STX8: variants seen among roughly 807,000 people sequenced by gnomAD.
STX8 encodes syntaxin-8.
Under a neutral mutation model 37.5 loss-of-function variants are expected in STX8, and 23 were observed. The observed-to-expected ratio is 0.61, with a 90% confidence interval of 0.44 to 0.87. The LOEUF (loss-of-function observed/expected upper bound fraction) is 0.87, where lower values mean the gene tolerates loss of function less well. Among genes scored for constraint, STX8 ranks in the 40% least tolerant of loss-of-function variants. The probability of loss-of-function intolerance (pLI) is 0.00; values close to 1 mark genes in which losing one functional copy is unlikely to be tolerated. For missense variants in STX8, 313 were observed against 284.7 expected (o/e 1.10, Z -0.71); for synonymous variants, 115 against 99.1 (o/e 1.16, Z -0.95).
chr17:9,559,063 C>G (rs2151915889), intron 2 of STX8, among the ~76,000 whole-genome samples: 1 of 152,100 alleles, frequency 6.6e-6, no homozygotes, highest in African/African-American at 2.4e-5. Flanking sequence ...AGAGAAAAAA[C>G]AACCCAGGAA....
chr17:9,358,095 C>T (rs1206717655), intron 7 of STX8, among the ~76,000 whole-genome samples: 1 of 152,122 alleles, frequency 6.6e-6, no homozygotes. Flanking sequence ...GTGGCTCACA[C>T]CTGTAAATCC....
At chr17:9,380,371 AC>A (rs1911754440) in intron 6 of STX8, among the ~76,000 whole-genome samples, 1 of 146,906 alleles carries the variant, frequency 6.8e-6, no homozygotes, top group South Asian at 2.2e-4. Flanking sequence ...TCCCATCTCA[AC>A]CTCCTGAGTA....
At chr17:9,539,858 AAGAT>A (rs1265571354) in intron 4 of STX8, among the ~76,000 whole-genome samples, 3 of 152,136 alleles carry the variant, frequency 2.0e-5, no homozygotes, top group East Asian at 1.9e-4. Context: ...AGTTTCTCCA[AAGAT>A]AGATAGAGCT....
At chr17:9,496,265 G>A (rs551999428) in intron 5 of STX8, among the ~76,000 whole-genome samples, 6 of 152,144 alleles carry the variant, frequency 3.9e-5, no homozygotes, top group Admixed American at 3.3e-4. Context: ...TAGTAGAGAC[G>A]AGGTTTTGCC....
At chr17:9,390,987 A>C (rs1032520403) in intron 6 of STX8, among the ~76,000 whole-genome samples, 33 of 152,236 alleles carry the variant, frequency 2.2e-4, no homozygotes, top group African/African-American at 7.0e-4. Context: ...CAGCAATTTA[A>C]ATAGAAACTC....
intron 7 of STX8, among the ~76,000 whole-genome samples, chr17:9,325,975 T>C (rs538765948): frequency 6.6e-6 from 1 of 152,310 alleles, no homozygotes; most frequent in South Asian, 2.1e-4. Context: ...CCCCCAGCTA[T>C]GGTCTCTGGT....
chr17:9,363,537 C>A (rs1232292148), intron 7 of STX8, among the ~76,000 whole-genome samples: 1 of 152,164 alleles, frequency 6.6e-6, no homozygotes, highest in Non-Finnish European at 1.5e-5. Context: ...TACTTCTAAA[C>A]CCAGCCCTCA....
At chr17:9,400,929 T>G (rs1912594835) in intron 6 of STX8, among the ~76,000 whole-genome samples, 2 of 152,168 alleles carry the variant, frequency 1.3e-5, no homozygotes, top group Non-Finnish European at 2.9e-5. Flanking sequence ...AGTTTTTATA[T>G]CTCTATTTTA....
intron 6 of STX8, among the ~76,000 whole-genome samples, chr17:9,392,811 G>C (rs1912269919): frequency 6.6e-6 from 1 of 152,120 alleles, no homozygotes; most frequent in African/African-American, 2.4e-5. Flanking sequence ...GTGGTGAACT[G>C]GAAGATAGTT....
intron 6 of STX8, among the ~76,000 whole-genome samples, chr17:9,402,187 T>C (rs1390022397): frequency 6.6e-6 from 1 of 152,176 alleles, no homozygotes; most frequent in African/African-American, 2.4e-5. Context: ...TGGCACGATC[T>C]CGGCTCACTG....
intron 6 of STX8, among the ~76,000 whole-genome samples, chr17:9,384,166 GA>G (rs1471220319): frequency 4.0e-5 from 6 of 150,252 alleles, no homozygotes; most frequent in African/African-American, 1.5e-4. Context: ...ATTTATAAGA[GA>G]GAACACGGTA....
At chr17:9,437,460 C>A (rs556098068) in intron 6 of STX8, among the ~76,000 whole-genome samples, 1 of 152,290 alleles carries the variant, frequency 6.6e-6, no homozygotes, top group Non-Finnish European at 1.5e-5. Flanking sequence ...CGAAGAGTAA[C>A]AATGGCAGGG....
intron 4 of STX8, among the ~76,000 whole-genome samples, chr17:9,506,407 T>TTCCCCCCC (rs1365525760): frequency 2.5e-5 from 1 of 39,332 alleles, no homozygotes; most frequent in Non-Finnish European, 4.9e-5. Flanking sequence ...GCTCACCCGC[T>TTCCCCCCC]CCCCCCCCCC....
At chr17:9,398,646 A>T (rs1046494291) in intron 6 of STX8, among the ~76,000 whole-genome samples, 1 of 152,208 alleles carries the variant, frequency 6.6e-6, no homozygotes, top group African/African-American at 2.4e-5. Flanking sequence ...GGGAAAATGG[A>T]TGTGGAGTAT....
At chr17:9,345,798 C>T (rs868390769) in intron 7 of STX8, among the ~76,000 whole-genome samples, 7 of 136,238 alleles carry the variant, frequency 5.1e-5, no homozygotes, top group Admixed American at 7.7e-5. Flanking sequence ...AGAAATGTTT[C>T]GAACTTTGGA....
At position 9,449,901 on chromosome 17, in the gene STX8, T is replaced by C. The variant is rs527292356; in HGVS notation, c.541+41928A>G. 4.6e-5 allele frequency among the ~76,000 whole-genome samples: 7 copies of C among 151,772 alleles called. No homozygotes were observed. The South Asian group carries it at 8.3e-4, about 18-fold the overall frequency. On this transcript the variant is annotated intron_variant, in intron 6 of 7. Coordinates refer to ENST00000306357, the MANE Select transcript of STX8 (RefSeq NM_004853.3). ...TGGGAGGCTGAGGCTGGAGAATCTC[T>C]TGAGCCCAGGAGTTTGAGGCCAGCC...
chr17:9,465,314 C>G (rs1407620741), intron 6 of STX8, among the ~76,000 whole-genome samples: 5 of 152,136 alleles, frequency 3.3e-5, no homozygotes, highest in Admixed American at 1.3e-4. Context: ...TCCTGCCCAG[C>G]TGCCCACTGG....
chr17:9,396,841 T>C (rs1158872483), intron 6 of STX8, among the ~76,000 whole-genome samples: 1 of 151,986 alleles, frequency 6.6e-6, no homozygotes, highest in Non-Finnish European at 1.5e-5. Context: ...AAAACAATCA[T>C]TTAGAAGACT....
At chr17:9,331,591 G>A (rs956483230) in intron 7 of STX8, among the ~76,000 whole-genome samples, 30 of 152,154 alleles carry the variant, frequency 2.0e-4, no homozygotes, top group African/African-American at 6.0e-4. Context: ...ATAAAAGTGC[G>A]TTTTTGTTGG....
Sources: allele counts gnomAD v4.1 joint callset (sites outside exome capture counted in the v4.1 genomes callset), GRCh38; gene constraint gnomAD v4.1.1; transcripts MANE v1.5; gene names NCBI Gene and HGNC (gene_info 2026-07-23, HGNC 2026-07-21).